Variants in DNAJC1 observed in about 807,000 individuals in gnomAD.
The protein encoded by DNAJC1 is DnaJ heat shock protein family (Hsp40) member C1.
A neutral mutation model predicts 76.6 loss-of-function variants in DNAJC1; 58 were observed. That is an observed-to-expected ratio of 0.76 (90% CI 0.61 to 0.94). The LOEUF (loss-of-function observed/expected upper bound fraction) is 0.94. DNAJC1 is among the 40% of genes least tolerant of loss of function. The pLI, the probability that DNAJC1 is intolerant of heterozygous loss-of-function variation, is 0.00. For missense variants in DNAJC1, 689 were observed against 677.3 expected, an observed-to-expected ratio of 1.02 and a Z score of -0.19; for synonymous variants, 258 against 267.9, an observed-to-expected ratio of 0.96 and a Z score of 0.36.
intron 1 of DNAJC1, among the ~76,000 whole-genome samples, chr10:21,938,669 T>C (rs565386620): frequency 8.5e-5 from 13 of 152,318 alleles, no homozygotes; most frequent in African/African-American, 3.1e-4. Context: ...GTGGCTGCTT[T>C]TGGCCCAAGG....
chr10:21,765,065 G>C (rs1246662404), intron 10 of DNAJC1, among the ~76,000 whole-genome samples: 1 of 152,188 alleles, frequency 6.6e-6, no homozygotes, highest in African/African-American at 2.4e-5. Context: ...TCAATGGTAT[G>C]ATTTTGGAGA....
intron 11 of DNAJC1, among the ~76,000 whole-genome samples, chr10:21,758,841 G>A (rs748149763): frequency 8.5e-5 from 13 of 152,200 alleles, no homozygotes; most frequent in Admixed American, 2.0e-4. Context: ...AGGCAGCGCC[G>A]GCTGAGCCTC....
intron 7 of DNAJC1, among the ~76,000 whole-genome samples, chr10:21,904,171 C>G (rs1416789421): frequency 6.6e-6 from 1 of 152,082 alleles, no homozygotes; most frequent in Non-Finnish European, 1.5e-5. Context: ...ACAACTGTTA[C>G]ACAGAAAGTT....
chr10:21,860,473 G>C (rs966148475), intron 8 of DNAJC1, among the ~76,000 whole-genome samples: 3 of 151,976 alleles, frequency 2.0e-5, no homozygotes, highest in Non-Finnish European at 4.4e-5. Flanking sequence ...CAGGCAGATC[G>C]TGAGGTCAGG....
intron 7 of DNAJC1, among the ~76,000 whole-genome samples, chr10:21,895,534 A>G (rs1392465651): frequency 6.6e-6 from 1 of 152,210 alleles, no homozygotes; most frequent in Non-Finnish European, 1.5e-5. Context: ...GTAAAATGCA[A>G]GAAGAGAGAA....
chr10:21,938,110 T>C (rs1837343294), intron 1 of DNAJC1, among the ~76,000 whole-genome samples: 11 of 152,162 alleles, frequency 7.2e-5, no homozygotes, highest in Admixed American at 7.2e-4. Flanking sequence ...CTTTTTGGAT[T>C]CATTCCTTCT....
At chr10:21,927,234 G>C (rs1837142988) in intron 3 of DNAJC1, among the ~76,000 whole-genome samples, 1 of 152,190 alleles carries the variant, frequency 6.6e-6, no homozygotes, top group Non-Finnish European at 1.5e-5. Flanking sequence ...AACACTTTAA[G>C]AGAAGATCTT....
intron 8 of DNAJC1, among the ~76,000 whole-genome samples, chr10:21,855,628 A>T (rs749736180): frequency 1.3e-5 from 2 of 152,190 alleles, no homozygotes; most frequent in Non-Finnish European, 2.9e-5. Flanking sequence ...GAGACTTACC[A>T]CTGGAGACTT....
intron 8 of DNAJC1, among the ~76,000 whole-genome samples, chr10:21,870,628 A>G (rs1294740255): frequency 6.6e-6 from 1 of 152,046 alleles, no homozygotes. Context: ...TTACAAAATT[A>G]GCCAGGCATG....
intron 7 of DNAJC1, among the ~76,000 whole-genome samples, chr10:21,896,054 G>T (rs1263297541): frequency 6.6e-6 from 1 of 152,216 alleles, no homozygotes; most frequent in African/African-American, 2.4e-5. Context: ...TGTCTACCTA[G>T]ATTTCAACAG....
In DNAJC1 at chr10:21,825,068, C is replaced by A. The variant is rs77022337; in HGVS notation, c.979-18969G>T. On this transcript the variant is annotated intron_variant, in intron 8 of 11. Transcript: ENST00000376980. ...CAGGGAATACAGGTGTAAGCTGCCA[C>A]GCCCGGCCAACTATTTTAAAGTATA... Among the ~76,000 whole-genome samples, 600 of 152,220 alleles carry A rather than the reference C, an allele frequency of 3.9e-3. 5 individuals carry two copies. Among genetic ancestry groups the A allele is most frequent in the African/African-American group, 0.014 (567 of 41,538 alleles).
intron 1 of DNAJC1, among the ~76,000 whole-genome samples, chr10:21,987,191 T>C (rs1405145357): frequency 6.6e-6 from 1 of 152,198 alleles, no homozygotes; most frequent in African/African-American, 2.4e-5. Context: ...CATTTTATAC[T>C]CCCTCAGCTT....
chr10:21,976,599 G>C (rs928823980), intron 1 of DNAJC1, among the ~76,000 whole-genome samples: 1 of 152,132 alleles, frequency 6.6e-6, no homozygotes, highest in Admixed American at 6.5e-5. Context: ...CCATATTAGT[G>C]GGGGAGAGTT....
chr10:21,887,155 T>G (rs866884581), intron 7 of DNAJC1, among the ~76,000 whole-genome samples: 3 of 151,846 alleles, frequency 2.0e-5, no homozygotes, highest in African/African-American at 7.3e-5. Flanking sequence ...GCAAAAAGAA[T>G]AAAATACCTA....
intron 1 of DNAJC1, among the ~76,000 whole-genome samples, chr10:21,963,456 AGATTGTT>A (rs764180779): frequency 3.3e-5 from 5 of 152,252 alleles, no homozygotes; most frequent in Non-Finnish European, 7.3e-5. Context: ...AAGGGTTAAA[AGATTGTT>A]TTAAGTTAGA....
At chr10:21,961,165 T>C (rs1837784785) in intron 1 of DNAJC1, among the ~76,000 whole-genome samples, 2 of 152,190 alleles carry the variant, frequency 1.3e-5, no homozygotes, top group South Asian at 2.1e-4. Flanking sequence ...AACAGTAAGA[T>C]AGTTCCTCAA....
intron 9 of DNAJC1, 72 bp downstream of exon 9, chr10:21,805,907 CT>C: frequency 6.3e-7 from 1 of 1,589,104 alleles, no homozygotes; most frequent in Non-Finnish European, 8.6e-7. Context: ...TGGAACCCAT[CT>C]ATGTCTGCCT....
intron 1 of DNAJC1, among the ~76,000 whole-genome samples, chr10:21,961,233 A>G (rs1303804119): frequency 6.6e-6 from 1 of 152,230 alleles, no homozygotes; most frequent in Admixed American, 6.5e-5. Flanking sequence ...GTATATACCC[A>G]AAAGAACTGA....
intron 1 of DNAJC1, among the ~76,000 whole-genome samples, chr10:21,932,273 G>A (rs1296844725): frequency 6.6e-6 from 1 of 152,156 alleles, no homozygotes; most frequent in Non-Finnish European, 1.5e-5. Context: ...CCAGGAGGTT[G>A]AGGCTGCAGT....
Sources: allele counts gnomAD v4.1 joint callset (sites outside exome capture counted in the v4.1 genomes callset), GRCh38; gene constraint gnomAD v4.1.1; transcripts MANE v1.5; gene names NCBI Gene and HGNC (gene_info 2026-07-23, HGNC 2026-07-21).